Variants in TC2N observed in about 807,000 individuals in gnomAD.
TC2N encodes the protein tandem C2 domains, nuclear.
TC2N carries 51 observed loss-of-function variants against 61.9 expected under a neutral mutation model. The ratio of observed to expected loss-of-function variants is 0.82; its 90% CI spans 0.66 to 1.04. The LOEUF is 1.04. Ranked by LOEUF, TC2N falls within the 50% of genes least tolerant of loss-of-function variation. The pLI is 0.00. For missense variants in TC2N, 556 were observed against 566.7 expected, an observed-to-expected ratio of 0.98 and a Z score of 0.19; for synonymous variants, 204 against 192.6, an observed-to-expected ratio of 1.06 and a Z score of -0.49.
intron 8 of TC2N, 103 bp from the exon 9 acceptor site, chr14:91,792,661 T>C (rs146168194): frequency 1.9e-6 from 1 of 529,764 alleles, no homozygotes; most frequent in African/African-American, 1.9e-5. Context: ...TATTCAATTC[T>C]TTTTACAACA....
chr14:91,850,966 G>T (rs8011017), intron 1 of TC2N, among the ~76,000 whole-genome samples: 74,280 of 151,940 alleles, frequency 0.49, 18,484 homozygotes, highest in African/African-American at 0.57. Context: ...TGCCTGATGA[G>T]CTATCACTGT....
intron 8 of TC2N, among the ~76,000 whole-genome samples, chr14:91,796,730 T>A (rs1885915458): frequency 6.6e-6 from 1 of 152,058 alleles, no homozygotes; most frequent in South Asian, 2.1e-4. Flanking sequence ...TAGAACAGAT[T>A]CTCCCTCAGA....
intron 1 of TC2N, among the ~76,000 whole-genome samples, chr14:91,846,985 C>T (rs1016461202): frequency 1.3e-4 from 20 of 152,156 alleles, no homozygotes; most frequent in Admixed American, 6.5e-4. Context: ...AGGCCAGGCG[C>T]GGTGGCTCAC....
At position 91,782,563 on chromosome 14, in the gene TC2N, C is replaced by G. The variant is rs963238733; in HGVS notation, c.*537G>C. ...TTATGGGTAAAAAAATTATAAAACA[C>G]AGGGCACAAACTTTCTCCAAATATA... On this transcript the variant is annotated 3_prime_UTR_variant, in exon 12 of 12. Transcript: ENST00000435962. The G allele has an allele frequency of 6.6e-6, 1 of 151,964 alleles. No homozygotes were observed. Among genetic ancestry groups the G allele is most frequent in the African/African-American group, 2.4e-5 (1 of 41,430 alleles). The allele number at this position is 151,964 out of a possible 1,614,324, so 9.4% of individuals were successfully genotyped here. A position where few individuals can be genotyped will look rare whatever the true frequency, so the allele number is the denominator to read the frequency against.
At chr14:91,800,963 C>T (rs573493751) in intron 4 of TC2N, among the ~76,000 whole-genome samples, 8 of 151,322 alleles carry the variant, frequency 5.3e-5, no homozygotes, top group South Asian at 2.1e-4. Context: ...TACACACACA[C>T]ATATGTATAC....
intron 1 of TC2N, among the ~76,000 whole-genome samples, chr14:91,848,457 TG>T (rs1468033136): frequency 2.6e-5 from 4 of 152,208 alleles, no homozygotes; most frequent in Admixed American, 2.6e-4. Context: ...CTCCCATTTT[TG>T]TTACCTGTCT....
chr14:91,867,342 T>G lies in TC2N; in HGVS notation c.-137A>C, dbSNP rs891132825. 7.9e-5 allele frequency: 12 copies of G among 152,258 alleles called. No individual in the cohort carries two copies. Among genetic ancestry groups the G allele is most frequent in the African/African-American group, 2.9e-4 (12 of 41,428 alleles). The allele number at this position is 152,258 out of a possible 1,614,324, so 9.4% of individuals were successfully genotyped here. A position where few individuals can be genotyped will look rare whatever the true frequency, so the allele number is the denominator to read the frequency against. On this transcript the variant is annotated 5_prime_UTR_variant, in exon 1 of 12. Coordinates refer to ENST00000435962, the MANE Select transcript of TC2N (RefSeq NM_001128596.3). The stretch of plus-strand genomic sequence containing the variant: ...CACGTAAACCTTCAGCATTTCTGAT[T>G]CCATCCTTCTTCCCAGCCCCTGAGT...
rs560408783 is a variant in TC2N, at chr14:91,818,897, A to T, written c.-56-5072T>A. 5.9e-5 allele frequency among the ~76,000 whole-genome samples: 9 copies of T among 152,270 alleles called. No homozygotes were observed. In the South Asian group the frequency reaches 1.9e-3, roughly 32 times the overall value. On this transcript the variant is annotated intron_variant, in intron 1 of 11. Coordinates refer to ENST00000435962, the MANE Select transcript of TC2N (RefSeq NM_001128596.3). ...ATCTGTGACTCATGGGACAATTTCAAGTGACCCAAAATACATGTATTTGGA... is the reference window on the plus strand; with the variant it reads ...ATCTGTGACTCATGGGACAATTTCATGTGACCCAAAATACATGTATTTGGA...
At chr14:91,812,784 A>T (rs1886841497) in intron 2 of TC2N, among the ~76,000 whole-genome samples, 1 of 151,916 alleles carries the variant, frequency 6.6e-6, no homozygotes. Context: ...AAGCAGCTTT[A>T]AAGAGTCTTA....
At position 91,781,433 on chromosome 14, in the gene TC2N, C is replaced by G. The variant is rs967800469; in HGVS notation, c.*1667G>C. 6.6e-6 allele frequency: 1 copy of G among 151,962 alleles called. No individual in the cohort carries two copies. The highest frequency in any genetic ancestry group is 1.5e-5 in the Non-Finnish European group (1 of 67,976). 9.4% of individuals were successfully genotyped at this position (151,962 alleles called of 1,614,324 possible). ...TTCAGAGTAGGTTCATTGATTGTAA[C>G]AAATGTACCATTGTGGTGCAGGATA... On this transcript the variant is annotated 3_prime_UTR_variant, in exon 12 of 12. Transcript: ENST00000435962.
intron 1 of TC2N, among the ~76,000 whole-genome samples, chr14:91,854,445 G>A (rs1198879410): frequency 1.9e-4 from 22 of 118,918 alleles, no homozygotes; most frequent in Non-Finnish European, 3.7e-4. Flanking sequence ...GGAGGAGGAG[G>A]AGATAGGAGA....
intron 1 of TC2N, among the ~76,000 whole-genome samples, chr14:91,820,209 T>C (rs563177579): frequency 6.6e-6 from 1 of 152,060 alleles, no homozygotes; most frequent in African/African-American, 2.4e-5. Context: ...CTTGAGAACA[T>C]ACACCCAAAA....
chr14:91,839,362 A>G (rs1888122942), intron 1 of TC2N, among the ~76,000 whole-genome samples: 1 of 152,168 alleles, frequency 6.6e-6, no homozygotes, highest in African/African-American at 2.4e-5. Context: ...ATGAAACCCC[A>G]CAACACCCAT....
At chr14:91,807,181 C>A (rs1301446632) in intron 3 of TC2N, among the ~76,000 whole-genome samples, 1 of 152,204 alleles carries the variant, frequency 6.6e-6, no homozygotes, top group Admixed American at 6.5e-5. Context: ...ACGTTTGCTG[C>A]AGAGGTGGGG....
chr14:91,782,757 T>C lies in TC2N; in HGVS notation c.*343A>G, dbSNP rs17127562. The C allele has an allele frequency of 0.092, 16,951 of 185,172 alleles. 913 individuals are homozygous for C. The highest frequency in any genetic ancestry group is 0.23 in the South Asian group (1,653 of 7,110). 11.5% of individuals were successfully genotyped at this position (185,172 alleles called of 1,614,324 possible). A position where few individuals can be genotyped will look rare whatever the true frequency, so the allele number is the denominator to read the frequency against. Reference sequence around the variant, plus strand: ...CTTGATATACCAGGTTTTGAATATCTAAGTAAAGCTTAAAATACAAAAGCG... The same window carrying C: ...CTTGATATACCAGGTTTTGAATATCCAAGTAAAGCTTAAAATACAAAAGCG... On this transcript the variant is annotated 3_prime_UTR_variant, in exon 12 of 12. Transcript: ENST00000435962.
At chr14:91,847,467 T>C (rs1389522751) in intron 1 of TC2N, among the ~76,000 whole-genome samples, 1 of 152,208 alleles carries the variant, frequency 6.6e-6, no homozygotes, top group Non-Finnish European at 1.5e-5. Flanking sequence ...AGTTTCTACA[T>C]AGTTATCTTT....
rs553979775 is a variant in TC2N, at chr14:91,810,188, C to A, written c.301+2124G>T. On this transcript the variant is annotated intron_variant, in intron 3 of 11. Transcript: ENST00000435962. ...GGCTCTTTTAAACAACCAGATCTCA[C>A]AGGAACTCAGAGCTAGAACTCACTT... 3.3e-5 allele frequency among the ~76,000 whole-genome samples: 5 copies of A among 152,228 alleles called. No individual in the cohort carries two copies. In the East Asian group the frequency reaches 9.7e-4, roughly 29 times the overall value.
chr14:91,809,577 T>A (rs1886675524), intron 3 of TC2N, among the ~76,000 whole-genome samples: 1 of 152,082 alleles, frequency 6.6e-6, no homozygotes, highest in Admixed American at 6.6e-5. Context: ...GAGTTGATTC[T>A]GGGGAAAAAG....
chr14:91,779,881 T>C lies in TC2N; in HGVS notation c.*3219A>G, dbSNP rs1380869044. The C allele has an allele frequency of 1.3e-5, 2 of 152,190 alleles. No individual in the cohort carries two copies. The highest frequency in any genetic ancestry group is 2.9e-5 in the Non-Finnish European group (2 of 68,048). 9.4% of individuals were successfully genotyped at this position (152,190 alleles called of 1,614,324 possible). Reference sequence around the variant, plus strand: ...GAGATTACTAAAACTGTAGGCCACATTCATCTTCCTACAATTCTTCACCCA... The same window carrying C: ...GAGATTACTAAAACTGTAGGCCACACTCATCTTCCTACAATTCTTCACCCA... On this transcript the variant is annotated 3_prime_UTR_variant, in exon 12 of 12. Coordinates refer to ENST00000435962, the MANE Select transcript of TC2N (RefSeq NM_001128596.3).
Sources: gnomAD v4.1 joint callset for allele counts (sites outside exome capture counted in the v4.1 genomes callset) on GRCh38, gnomAD v4.1.1 for gene constraint, MANE v1.5 for transcripts, NCBI Gene and HGNC (gene_info 2026-07-23, HGNC 2026-07-21) for gene names.